Variants in NLK observed in about 807,000 individuals in gnomAD.
The protein encoded by NLK is serine/threonine-protein kinase NLK.
In NLK, 11 loss-of-function variants were observed where a neutral mutation model predicts 59.0. The ratio of observed to expected loss-of-function variants is 0.19; its 90% CI spans 0.12 to 0.31. The LOEUF (loss-of-function observed/expected upper bound fraction) is 0.31, where lower values mean the gene tolerates loss of function less well. Ranked by LOEUF, NLK falls within the 10% of genes least tolerant of loss-of-function variation. NLK has a pLI of 1.00. For missense variants in NLK, 410 were observed against 661.1 expected, an observed-to-expected ratio of 0.62 and a Z score of 4.16; for synonymous variants, 235 against 235.9, an observed-to-expected ratio of 1.00 and a Z score of 0.03.
intron 2 of NLK, among the ~76,000 whole-genome samples, chr17:28,127,085 G>A (rs1422326889): frequency 3.9e-5 from 6 of 152,228 alleles, no homozygotes; most frequent in South Asian, 2.1e-4. Context: ...CCCCTGTAAC[G>A]CAAGTCTTGG....
At chr17:28,073,734 T>C (rs1470664146) in intron 1 of NLK, among the ~76,000 whole-genome samples, 1 of 152,180 alleles carries the variant, frequency 6.6e-6, no homozygotes, top group East Asian at 1.9e-4. Flanking sequence ...TTCTTCTCTT[T>C]AGGTATTCTC....
chr17:28,155,227 AAAG>A (rs1371645494), intron 3 of NLK, among the ~76,000 whole-genome samples: 5 of 152,156 alleles, frequency 3.3e-5, no homozygotes, highest in African/African-American at 1.2e-4. Context: ...TATTTTATTA[AAAG>A]AACAGGCAAC....
chr17:28,101,152 A>G (rs776085960), intron 1 of NLK, among the ~76,000 whole-genome samples: 1 of 152,202 alleles, frequency 6.6e-6, no homozygotes, highest in African/African-American at 2.4e-5. Flanking sequence ...GTCTATCATT[A>G]TGCCAGTACC....
intron 1 of NLK, among the ~76,000 whole-genome samples, chr17:28,070,031 T>C (rs1415563784): frequency 6.6e-6 from 1 of 151,822 alleles, no homozygotes; most frequent in South Asian, 2.1e-4. Context: ...AGGTCAGGAG[T>C]TCGAGATCAG....
downstream of NLK, among the ~76,000 whole-genome samples, chr17:28,198,267 G>T (rs560648516): frequency 6.6e-6 from 1 of 152,078 alleles, no homozygotes; most frequent in African/African-American, 2.4e-5. Context: ...CTCCCAAAAT[G>T]CTGGGATTAC....
the NLK span, among the ~76,000 whole-genome samples, chr17:28,202,664 T>TG: frequency 6.6e-6 from 1 of 151,666 alleles, no homozygotes; most frequent in South Asian, 2.1e-4. Context: ...GTAAAATCAG[T>TG]GTCATTTCTT....
At chr17:28,178,616 C>T (rs1908777440) in intron 7 of NLK, among the ~76,000 whole-genome samples, 1 of 152,124 alleles carries the variant, frequency 6.6e-6, no homozygotes, top group Non-Finnish European at 1.5e-5. Flanking sequence ...CAGTTTGTTC[C>T]CACCTAATTG....
chr17:28,139,928 T>C (rs559562841), intron 3 of NLK, among the ~76,000 whole-genome samples: 5 of 152,072 alleles, frequency 3.3e-5, no homozygotes, highest in African/African-American at 1.2e-4. Flanking sequence ...CAAAAGAATA[T>C]AGTGAGGTAG....
chr17:28,133,774 G>A (rs567050472), intron 3 of NLK, among the ~76,000 whole-genome samples: 23 of 152,272 alleles, frequency 1.5e-4, no homozygotes, highest in African/African-American at 5.5e-4. Flanking sequence ...ACTCAGAATG[G>A]AAACCAATGT....
intron 8 of NLK, among the ~76,000 whole-genome samples, chr17:28,186,558 A>G (rs1280999144): frequency 1.3e-5 from 2 of 152,224 alleles, no homozygotes; most frequent in African/African-American, 4.8e-5. Flanking sequence ...CTTAAACCTT[A>G]AAGTTCCACA....
Position 28,196,262 on chromosome 17 carries a change from A to T in NLK, c.*1626A>T, listed in dbSNP as rs1909481045. 6.6e-6 allele frequency: 1 copy of T among 152,610 alleles called. No homozygotes were observed. Among genetic ancestry groups the T allele is most frequent in the Admixed American group, 6.5e-5 (1 of 15,278 alleles). The allele number at this position is 152,610 out of a possible 1,614,324, so 9.5% of individuals were successfully genotyped here. On this transcript the variant is annotated 3_prime_UTR_variant, in exon 11 of 11. Coordinates refer to ENST00000407008, the MANE Select transcript of NLK (RefSeq NM_016231.5). ...TAGTATCAAAAGAGCCCAAGAAGAC[A>T]CTGGTGTGAAAGGTACAATCTCAGA...
intron 3 of NLK, among the ~76,000 whole-genome samples, chr17:28,148,683 GTGA>G (rs1220217321): frequency 6.6e-6 from 1 of 152,208 alleles, no homozygotes; most frequent in East Asian, 1.9e-4. Flanking sequence ...ATTAAATGAG[GTGA>G]CCTATGTTAA....
At chr17:28,096,147 G>A (rs188545309) in intron 1 of NLK, among the ~76,000 whole-genome samples, 5 of 152,206 alleles carry the variant, frequency 3.3e-5, no homozygotes, top group South Asian at 4.1e-4. Flanking sequence ...TTTTGAAAAC[G>A]TTGAAAAATA....
At chr17:28,114,791 A>G (rs1029600730) in intron 1 of NLK, among the ~76,000 whole-genome samples, 2 of 152,188 alleles carry the variant, frequency 1.3e-5, no homozygotes, top group Admixed American at 6.5e-5. Context: ...TGGTTCCAAT[A>G]ACATAGATTG....
chr17:28,060,957 AC>A (rs1322845101), intron 1 of NLK, among the ~76,000 whole-genome samples: 1 of 152,226 alleles, frequency 6.6e-6, no homozygotes, highest in African/African-American at 2.4e-5. Context: ...ATTGAAAGCA[AC>A]CTAAATGTCT....
chr17:28,153,261 C>T (rs1228729158), intron 3 of NLK, among the ~76,000 whole-genome samples: 2 of 147,920 alleles, frequency 1.4e-5, no homozygotes, highest in Non-Finnish European at 3.0e-5. Context: ...GCAACAAGAG[C>T]GAAATTCCCC....
chr17:28,079,739 T>C (rs1264810830), intron 1 of NLK, among the ~76,000 whole-genome samples: 2 of 152,218 alleles, frequency 1.3e-5, no homozygotes, highest in South Asian at 2.1e-4. Context: ...AGTAAACATA[T>C]ATGATTTGCA....
intron 1 of NLK, among the ~76,000 whole-genome samples, chr17:28,064,278 A>G (rs1371739513): frequency 7.0e-6 from 1 of 143,162 alleles, no homozygotes; most frequent in Middle Eastern, 3.8e-3. Context: ...AACTAGGGCT[A>G]TGGGCATGTA....
intron 1 of NLK, among the ~76,000 whole-genome samples, chr17:28,088,267 A>G (rs1426117402): frequency 6.6e-6 from 1 of 152,224 alleles, no homozygotes. Flanking sequence ...CAGGAGGCAC[A>G]TAATATTGGA....
Sources: gnomAD v4.1 joint callset for allele counts (sites outside exome capture counted in the v4.1 genomes callset) on GRCh38, gnomAD v4.1.1 for gene constraint, MANE v1.5 for transcripts, NCBI Gene and HGNC (gene_info 2026-07-23, HGNC 2026-07-21) for gene names.